The following IL1RAP variants were observed in gnomAD, a reference collection of about 807,000 sequenced individuals.
IL1RAP encodes interleukin-1 receptor accessory protein.
Under a neutral mutation model 60.7 loss-of-function variants are expected in IL1RAP, and 35 were observed. That is an observed-to-expected ratio of 0.58 (90% CI 0.44 to 0.76). IL1RAP has a LOEUF of 0.76. Ranked by LOEUF, IL1RAP falls within the 30% of genes least tolerant of loss-of-function variation. The pLI, the probability that IL1RAP is intolerant of heterozygous loss-of-function variation, is 0.00. For synonymous variants in IL1RAP, 268 were observed against 250.9 expected (o/e 1.07, Z -0.64); for missense variants, 572 against 693.9 (o/e 0.82, Z 1.97).
chr3:190,644,974 C>T (rs1373548128), intron 10 of IL1RAP, among the ~76,000 whole-genome samples: 5 of 152,298 alleles, frequency 3.3e-5, no homozygotes, highest in South Asian at 2.1e-4. Context: ...CAACATATCA[C>T]GTGTAGCTTA....
chr3:190,655,809 C>G (rs911804438), downstream of IL1RAP: 3 of 1,044,202 alleles, frequency 2.9e-6, no homozygotes, highest in Non-Finnish European at 4.2e-6. Context: ...ATTCCCTGTC[C>G]TCTGGAGGAT....
chr3:190,579,871 G>A (rs983014686), intron 3 of IL1RAP, among the ~76,000 whole-genome samples: 4 of 152,152 alleles, frequency 2.6e-5, no homozygotes, highest in Non-Finnish European at 5.9e-5. Context: ...TTCACTTAAT[G>A]CAATGTTTTC....
At chr3:190,587,123 T>C (rs1354822347) in intron 3 of IL1RAP, among the ~76,000 whole-genome samples, 1 of 152,184 alleles carries the variant, frequency 6.6e-6, no homozygotes, top group Non-Finnish European at 1.5e-5. Flanking sequence ...ATGGACAGGG[T>C]TACAGATCAT....
chr3:190,515,952 T>G (rs979602757), intron 1 of IL1RAP, among the ~76,000 whole-genome samples: 3 of 152,142 alleles, frequency 2.0e-5, no homozygotes, highest in Non-Finnish European at 2.9e-5. Context: ...ACACTAGTCT[T>G]CCTGTATTAT....
At chr3:190,616,322 G>A (rs775261081) in intron 5 of IL1RAP, among the ~76,000 whole-genome samples, 4 of 151,954 alleles carry the variant, frequency 2.6e-5, no homozygotes, top group Non-Finnish European at 4.4e-5. Context: ...CAAGCACACA[G>A]CATAAAACTG....
At chr3:190,524,884 A>G (rs552891490) in intron 1 of IL1RAP, among the ~76,000 whole-genome samples, 1 of 152,144 alleles carries the variant, frequency 6.6e-6, no homozygotes, top group East Asian at 1.9e-4. Flanking sequence ...ATATATATAC[A>G]CATTTACACA....
At chr3:190,651,775 G>GTGTGTATGTGTA (rs71635331), downstream of IL1RAP, among the ~76,000 whole-genome samples, 335 of 151,630 alleles carry the variant, frequency 2.2e-3, no homozygotes, top group Admixed American at 7.7e-3. Flanking sequence ...ATGTGTTTAT[G>GTGTGTATGTGTA]TGTGTATGTG....
chr3:190,613,162 A>G (rs973698382), intron 5 of IL1RAP, among the ~76,000 whole-genome samples: 26 of 148,252 alleles, frequency 1.8e-4, no homozygotes, highest in African/African-American at 5.4e-4. Flanking sequence ...AAGACAGCAT[A>G]TTTCTTGAGG....
In IL1RAP at chr3:190,555,127, A is replaced by G. The variant is rs541493077; in HGVS notation, c.-88-1003A>G. On this transcript the variant is annotated intron_variant, in intron 1 of 11. Transcript: ENST00000447382. ...TAAGGGGAGAAAACCTCAGATGGCT[A>G]AGAAACTTTTCTATGCTGGGAAAAG... Among the ~76,000 whole-genome samples, 5 of 152,322 alleles carry G rather than the reference A, an allele frequency of 3.3e-5. No homozygotes were observed. In the South Asian group the frequency reaches 8.3e-4, roughly 25 times the overall value.
Position 190,615,186 on chromosome 3 carries a change from G to A in IL1RAP, c.538-5089G>A, listed in dbSNP as rs1208304144. 8.0e-6 allele frequency: 3 copies of A among 373,706 alleles called. No individual in the cohort carries two copies. The Admixed American group carries it at 9.6e-5, about 12-fold the overall frequency. The allele number at this position is 373,706 out of a possible 1,614,324, so 23.1% of individuals were successfully genotyped here. On this transcript the variant is annotated intron_variant, in intron 5 of 11. Coordinates refer to ENST00000447382, the MANE Select transcript of IL1RAP (RefSeq NM_002182.4). Reference sequence around the variant, plus strand: ...TGTTCAGCAAATATTTGTTGAATAAGCCAGGTTTTGTAACTAGTCTGGAAA... The same window carrying A: ...TGTTCAGCAAATATTTGTTGAATAAACCAGGTTTTGTAACTAGTCTGGAAA...
In IL1RAP at chr3:190,651,124, G is replaced by A. The variant is rs930244623; in HGVS notation, c.*2419G>A. The A allele has an allele frequency of 1.0e-6, 1 of 984,650 alleles. No homozygotes were observed. Among genetic ancestry groups the A allele is most frequent in the Non-Finnish European group, 1.2e-6 (1 of 829,598 alleles). The allele number at this position is 984,650 out of a possible 1,614,324, so 61.0% of individuals were successfully genotyped here. A position where few individuals can be genotyped will look rare whatever the true frequency, so the allele number is the denominator to read the frequency against. ...CAATAGAGAACATTCAAGGGAAATG[G>A]GGAAACATAATTTAGAGAACAAGAA... On this transcript the variant is annotated 3_prime_UTR_variant, in exon 12 of 12. Transcript: ENST00000447382.
chr3:190,586,055 A>G (rs576658227), intron 3 of IL1RAP, among the ~76,000 whole-genome samples: 1 of 152,226 alleles, frequency 6.6e-6, no homozygotes, highest in African/African-American at 2.4e-5. Flanking sequence ...GAGTCAGTGC[A>G]CATTCTATGC....
chr3:190,588,707 A>G (rs759660498), intron 3 of IL1RAP, among the ~76,000 whole-genome samples: 1 of 152,214 alleles, frequency 6.6e-6, no homozygotes, highest in African/African-American at 2.4e-5. Context: ...CACATATGAA[A>G]AGTACATTCT....
downstream of IL1RAP, chr3:190,656,337 A>T (rs776052979): frequency 2.0e-6 from 3 of 1,537,230 alleles, no homozygotes; most frequent in South Asian, 3.6e-5. Context: ...CCCCAGGCAC[A>T]ATGTCCAAGC....
chr3:190,589,761 C>T (rs1577673015), intron 3 of IL1RAP, among the ~76,000 whole-genome samples: 1 of 152,286 alleles, frequency 6.6e-6, no homozygotes, highest in African/African-American at 2.4e-5. Context: ...CTCTCTGAGC[C>T]CCCAACTGGG....
chr3:190,611,012 G>A (rs1185029006), intron 5 of IL1RAP, among the ~76,000 whole-genome samples: 1 of 152,154 alleles, frequency 6.6e-6, no homozygotes, highest in Admixed American at 6.5e-5. Context: ...ACTGGTAAAG[G>A]AGAATAATCA....
At chr3:190,580,385 T>C (rs572677947) in intron 3 of IL1RAP, among the ~76,000 whole-genome samples, 1 of 152,334 alleles carries the variant, frequency 6.6e-6, no homozygotes, top group African/African-American at 2.4e-5. Context: ...GCTACTCTCA[T>C]TTTTAATTAT....
intron 3 of IL1RAP, among the ~76,000 whole-genome samples, chr3:190,567,226 G>A (rs548045188): frequency 6.6e-6 from 1 of 152,264 alleles, no homozygotes; most frequent in African/African-American, 2.4e-5. Flanking sequence ...CCTCAGGAAT[G>A]GGGGAGCAAC....
chr3:190,550,086 A>G (rs895744522), intron 1 of IL1RAP, among the ~76,000 whole-genome samples: 1 of 152,172 alleles, frequency 6.6e-6, no homozygotes, highest in African/African-American at 2.4e-5. Flanking sequence ...ATGGTTGCCA[A>G]AGCAGGCACC....
Sources: allele counts gnomAD v4.1 joint callset (sites outside exome capture counted in the v4.1 genomes callset), GRCh38; gene constraint gnomAD v4.1.1; transcripts MANE v1.5; gene names NCBI Gene and HGNC (gene_info 2026-07-23, HGNC 2026-07-21).